The following PKHD1 variants were observed in gnomAD, a reference collection of about 807,000 sequenced individuals.
PKHD1 encodes PKHD1 ciliary IPT domain containing fibrocystin/polyductin, also known as fibrocystin.
A neutral mutation model predicts 412.0 loss-of-function variants in PKHD1; 291 were observed. The observed-to-expected ratio is 0.71, with a 90% confidence interval of 0.64 to 0.78. PKHD1 has a LOEUF of 0.78. Among genes scored for constraint, PKHD1 ranks in the 30% least tolerant of loss-of-function variants. PKHD1 has a pLI of 0.00. For missense variants in PKHD1, 4,825 were observed against 4,950.7 expected (o/e 0.97, Z 0.76); for synonymous variants, 1,777 against 1,821.5 (o/e 0.98, Z 0.62).
chr6:51,899,556 T>C (rs1339374665), intron 43 of PKHD1, among the ~76,000 whole-genome samples: 1 of 150,972 alleles, frequency 6.6e-6, no homozygotes, highest in Non-Finnish European at 1.5e-5. Flanking sequence ...CCACAGCCAA[T>C]ATCATACTGA....
At chr6:51,884,392 T>A (rs1777878679) in intron 45 of PKHD1, among the ~76,000 whole-genome samples, 1 of 152,222 alleles carries the variant, frequency 6.6e-6, no homozygotes, top group East Asian at 1.9e-4. Context: ...TATCTATCTT[T>A]GTGCCCATAT....
At chr6:51,787,136 G>A (rs139303132) in intron 53 of PKHD1, among the ~76,000 whole-genome samples, 28 of 152,236 alleles carry the variant, frequency 1.8e-4, no homozygotes, top group African/African-American at 4.1e-4. Context: ...CAAGGCAGGC[G>A]GATCACGAGT....
At chr6:52,057,235 C>T (rs1232124480) in intron 16 of PKHD1, among the ~76,000 whole-genome samples, 2 of 152,166 alleles carry the variant, frequency 1.3e-5, no homozygotes, top group East Asian at 3.9e-4. Flanking sequence ...GTAACAGTTG[C>T]CATTGAATGC....
intron 63 of PKHD1, among the ~76,000 whole-genome samples, chr6:51,646,222 C>T (rs1469166408): frequency 6.6e-6 from 1 of 152,170 alleles, no homozygotes; most frequent in Non-Finnish European, 1.5e-5. Context: ...TGATATTGTG[C>T]ATGATTGGGA....
intron 36 of PKHD1, among the ~76,000 whole-genome samples, chr6:51,958,260 T>C (rs996351432): frequency 1.1e-4 from 16 of 152,170 alleles, no homozygotes; most frequent in East Asian, 5.8e-4. Flanking sequence ...GATGACTTAC[T>C]CTCCCTCTCC....
At position 52,026,044 on chromosome 6, in the gene PKHD1, G is replaced by T. The variant is rs1011451342; in HGVS notation, c.3766C>A (p.Gln1256Lys). 1 of 1,612,686 alleles carries T rather than the reference G, an allele frequency of 6.2e-7. No individual in the cohort carries two copies. Among genetic ancestry groups the T allele is most frequent in the South Asian group, 1.1e-5 (1 of 91,044 alleles). Residue 1256 changes from glutamine (Q) to lysine (K), a missense_variant, in exon 32 of 67, where the codon CAG becomes AAG. By Grantham distance (53) the Gln-to-Lys change is moderately conservative (BLOSUM62 1). Transcript: ENST00000371117. ...SIWCETLPAP[Q>K]IPDAGAPTVP... ...GTGGGAGCGCCCGCATCGGGTATCT[G>T]GGGGGCTGGCAGGGTTTCACACCAG... is the stretch of plus-strand genomic sequence containing the variant.
intron 59 of PKHD1, among the ~76,000 whole-genome samples, 158 bp downstream of exon 59, chr6:51,746,563 G>C (rs2150972721): frequency 6.6e-6 from 1 of 152,204 alleles, no homozygotes; most frequent in South Asian, 2.1e-4. Context: ...GAATATAGGA[G>C]GGGTAAAGAA....
At chr6:51,885,245 G>A (rs1778024900) in intron 45 of PKHD1, among the ~76,000 whole-genome samples, 1 of 152,098 alleles carries the variant, frequency 6.6e-6, no homozygotes, top group Non-Finnish European at 1.5e-5. Context: ...AAATCATTGG[G>A]ATAATGAAGA....
chr6:51,942,324 A>G (rs1469311608), intron 36 of PKHD1, among the ~76,000 whole-genome samples: 1 of 151,554 alleles, frequency 6.6e-6, no homozygotes, highest in Non-Finnish European at 1.5e-5. Context: ...AAACAACTTG[A>G]CCTTACAGTT....
rs368231573 is a variant in PKHD1 at position 52,035,724 on chromosome 6, G to A, written c.3098-3C>T. 2.5e-5 allele frequency: 40 copies of A among 1,613,574 alleles called. No homozygotes were observed. In the East Asian group the frequency reaches 8.5e-4, roughly 34 times the overall value. On this transcript the variant is annotated splice_polypyrimidine_tract_variant and splice_region_variant and intron_variant, in intron 27 of 66. Transcript: ENST00000371117. Reference sequence around the variant, plus strand: ...TCGGATGGTGGCCCAGAGCCCTCCTGTAACAAAAACAGCATATTCAAATGG... The same window carrying A: ...TCGGATGGTGGCCCAGAGCCCTCCTATAACAAAAACAGCATATTCAAATGG...
Position 51,686,517 on chromosome 6 carries a change from G to A in PKHD1, c.10157-26548C>T, listed in dbSNP as rs541515521. Among the ~76,000 whole-genome samples the A allele has an allele frequency of 3.9e-5, 6 of 152,208 alleles. No individual in the cohort carries two copies. In the South Asian group the frequency reaches 1.2e-3, roughly 32 times the overall value. ...CTCCTTCTCAGTGAGGCCTACTTTG[G>A]TCAGCCTATGTACAAGCATTCTTTT... is the stretch of plus-strand genomic sequence containing the variant. On this transcript the variant is annotated intron_variant, in intron 60 of 66. Transcript: ENST00000371117.
intron 55 of PKHD1, among the ~76,000 whole-genome samples, chr6:51,768,635 A>G (rs541376258): frequency 6.6e-6 from 1 of 152,068 alleles, no homozygotes; most frequent in Non-Finnish European, 1.5e-5. Context: ...ACATAAAAAG[A>G]TAGTTTGGAT....
intron 34 of PKHD1, 128 bp downstream of exon 34, chr6:52,017,282 C>G (rs1245262521): frequency 5.3e-6 from 4 of 753,878 alleles, no homozygotes; most frequent in Non-Finnish European, 9.7e-6. Context: ...AATGGCCCCT[C>G]CAAGAGAGTT....
At chr6:51,772,308 T>C (rs1219990877) in intron 55 of PKHD1, among the ~76,000 whole-genome samples, 1 of 143,240 alleles carries the variant, frequency 7.0e-6, no homozygotes, top group Admixed American at 6.9e-5. Context: ...CACAATATAC[T>C]TCATATGTTT....
intron 60 of PKHD1, among the ~76,000 whole-genome samples, chr6:51,668,087 T>G (rs1427586834): frequency 6.6e-6 from 1 of 152,268 alleles, no homozygotes; most frequent in East Asian, 1.9e-4. Flanking sequence ...GTGAAGAAAG[T>G]CATTGGTAGC....
intron 53 of PKHD1, among the ~76,000 whole-genome samples, chr6:51,786,797 T>C (rs558336925): frequency 2.5e-4 from 38 of 152,310 alleles, no homozygotes; most frequent in Non-Finnish European, 4.3e-4. Context: ...GTATCCCCCA[T>C]GGTACTTGGC....
chr6:51,808,350 A>G (rs1419940757), intron 52 of PKHD1, among the ~76,000 whole-genome samples: 1 of 152,166 alleles, frequency 6.6e-6, no homozygotes, highest in Non-Finnish European at 1.5e-5. Flanking sequence ...GGCTGGCTGG[A>G]AGACATGGGT....
intron 53 of PKHD1, among the ~76,000 whole-genome samples, chr6:51,789,706 T>A (rs1793434516): frequency 6.6e-6 from 1 of 152,190 alleles, no homozygotes; most frequent in Non-Finnish European, 1.5e-5. Context: ...TCTTTGTTTT[T>A]CTGTGTTTGC....
chr6:51,627,035 G>C lies in PKHD1; in HGVS notation c.11747C>G (p.Ser3916Ter), dbSNP rs760426769. The change falls in exon 66 of 67, where the codon TCA (serine) becomes TGA (stop). Residue 3916 changes from serine to a stop codon, truncating the protein, a stop_gained. Coordinates refer to ENST00000371117, the MANE Select transcript of PKHD1 (RefSeq NM_138694.4). LOFTEE classifies it low-confidence loss of function (END_TRUNC). ...HIHISSKRRE[S>*]QGPKKEDTVV... is the part of the protein sequence containing the mutation. Reference sequence around the variant, plus strand: ...AGTGTCTTCTTTTTTGGGCCCTTGTGATTCTCGGCGTTTGGATGAGATGTG... The same window carrying C: ...AGTGTCTTCTTTTTTGGGCCCTTGTCATTCTCGGCGTTTGGATGAGATGTG... 1.2e-5 allele frequency: 20 copies of C among 1,613,310 alleles called. No homozygotes were observed. The South Asian group carries it at 2.1e-4, about 17-fold the overall frequency.
Sources: gnomAD v4.1 joint callset for allele counts (sites outside exome capture counted in the v4.1 genomes callset) on GRCh38, gnomAD v4.1.1 for gene constraint, MANE v1.5 for transcripts, NCBI Gene and HGNC (gene_info 2026-07-23, HGNC 2026-07-21) for gene names.